The following PLD5 variants were observed in gnomAD, a reference collection of about 807,000 sequenced individuals.
PLD5 encodes the protein inactive phospholipase D5.
Under a neutral mutation model 61.1 loss-of-function variants are expected in PLD5, and 36 were observed. The ratio of observed to expected loss-of-function variants is 0.59; its 90% CI spans 0.45 to 0.78. The LOEUF (loss-of-function observed/expected upper bound fraction) is 0.78. Among genes scored for constraint, PLD5 ranks in the 30% least tolerant of loss-of-function variants. The pLI, the probability that PLD5 is intolerant of heterozygous loss-of-function variation, is 0.00. For missense variants in PLD5, 515 were observed against 644.4 expected (o/e 0.80, Z 2.17); for synonymous variants, 243 against 242.8 (o/e 1.00, Z -0.01).
chr1:242,478,412 C>T (rs1223100382), intron 1 of PLD5, among the ~76,000 whole-genome samples: 1 of 152,148 alleles, frequency 6.6e-6, no homozygotes. Flanking sequence ...GTAGAAAAGG[C>T]ACAGGAATAG....
At chr1:242,227,222 T>C (rs574370909) in intron 4 of PLD5, among the ~76,000 whole-genome samples, 1 of 152,276 alleles carries the variant, frequency 6.6e-6, no homozygotes, top group South Asian at 2.1e-4. Context: ...ATTTTGATTT[T>C]TATTTTTTTT....
chr1:242,440,522 T>C (rs1666223960), intron 1 of PLD5, among the ~76,000 whole-genome samples: 1 of 152,232 alleles, frequency 6.6e-6, no homozygotes. Context: ...GTATAGATTA[T>C]AATCCATTTA....
intron 1 of PLD5, among the ~76,000 whole-genome samples, chr1:242,413,052 TG>T (rs1342845100): frequency 6.6e-6 from 1 of 152,114 alleles, no homozygotes; most frequent in African/African-American, 2.4e-5. Context: ...ACTGTCGTTT[TG>T]GAAACCTCCA....
At chr1:242,163,205 G>A (rs1435643200) in intron 5 of PLD5, among the ~76,000 whole-genome samples, 5 of 149,928 alleles carry the variant, frequency 3.3e-5, no homozygotes, top group South Asian at 4.2e-4. Context: ...GTGCAGTGGC[G>A]CGATCTCGGC....
intron 9 of PLD5, among the ~76,000 whole-genome samples, chr1:242,099,438 T>C (rs1660514066): frequency 6.6e-6 from 1 of 152,188 alleles, no homozygotes; most frequent in African/African-American, 2.4e-5. Flanking sequence ...GATATATATC[T>C]TTAAAATATT....
chr1:242,153,487 T>C (rs1422249584), intron 5 of PLD5, among the ~76,000 whole-genome samples: 1 of 152,232 alleles, frequency 6.6e-6, no homozygotes, highest in South Asian at 2.1e-4. Flanking sequence ...GTTTTAGGTC[T>C]TATGTTTAAC....
intron 1 of PLD5, among the ~76,000 whole-genome samples, chr1:242,411,038 G>A (rs1417669119): frequency 6.6e-6 from 1 of 152,060 alleles, no homozygotes; most frequent in Non-Finnish European, 1.5e-5. Context: ...CCAGCATTTT[G>A]GAAGACAAAA....
intron 5 of PLD5, among the ~76,000 whole-genome samples, chr1:242,159,552 T>G (rs1665660657): frequency 1.3e-5 from 2 of 152,066 alleles, no homozygotes; most frequent in Non-Finnish European, 2.9e-5. Context: ...TTCTCCGAGG[T>G]GGGGTACGGT....
chr1:242,459,728 G>A (rs1371009659), intron 1 of PLD5, among the ~76,000 whole-genome samples: 3 of 152,194 alleles, frequency 2.0e-5, no homozygotes, highest in Non-Finnish European at 4.4e-5. Context: ...CCTACAGAGA[G>A]CCTATGAGTG....
the PLD5 span, among the ~76,000 whole-genome samples, chr1:242,529,778 TCTTCCTTC>T: frequency 0.076 from 9,803 of 129,776 alleles, 359 homozygotes; most frequent in Admixed American, 0.12. Context: ...GGCACTGGGA[TCTTCCTTC>T]CTTCCTTCCT....
intron 1 of PLD5, among the ~76,000 whole-genome samples, chr1:242,443,326 G>A (rs1666360457): frequency 6.6e-6 from 1 of 152,064 alleles, no homozygotes; most frequent in South Asian, 2.1e-4. Flanking sequence ...ATCCAAACAT[G>A]GCAAATTTCA....
chr1:242,205,615 G>A (rs1351385948), intron 5 of PLD5, among the ~76,000 whole-genome samples: 1 of 152,110 alleles, frequency 6.6e-6, no homozygotes, highest in Admixed American at 6.6e-5. Context: ...ATTATTCTCT[G>A]TTGTATTTGA....
At chr1:242,470,173 C>T (rs1453128048) in intron 1 of PLD5, among the ~76,000 whole-genome samples, 2 of 151,896 alleles carry the variant, frequency 1.3e-5, no homozygotes, top group African/African-American at 2.4e-5. Context: ...AACCCCGTCT[C>T]TACTAAAAAT....
At chr1:242,416,262 C>T (rs1664829235) in intron 1 of PLD5, among the ~76,000 whole-genome samples, 1 of 151,734 alleles carries the variant, frequency 6.6e-6, no homozygotes, top group Admixed American at 6.6e-5. Context: ...TTAGGTTGGC[C>T]ATACATTGAT....
intron 5 of PLD5, among the ~76,000 whole-genome samples, chr1:242,216,118 A>G (rs1670179715): frequency 1.3e-5 from 2 of 152,176 alleles, no homozygotes; most frequent in African/African-American, 4.8e-5. Context: ...TTGATTGGAA[A>G]AGAATGTTGC....
intron 9 of PLD5, among the ~76,000 whole-genome samples, chr1:242,096,886 C>G (rs1308399406): frequency 1.3e-5 from 2 of 151,792 alleles, no homozygotes; most frequent in African/African-American, 4.8e-5. Flanking sequence ...TAACGCTATC[C>G]CTCCTCCTTC....
intron 3 of PLD5, among the ~76,000 whole-genome samples, chr1:242,277,226 G>A (rs1387789142): frequency 1.3e-5 from 2 of 152,130 alleles, no homozygotes; most frequent in Non-Finnish European, 2.9e-5. Flanking sequence ...ACCAAGGCAA[G>A]AAAGGAACAC....
intron 5 of PLD5, among the ~76,000 whole-genome samples, chr1:242,173,129 T>C (rs369350199): frequency 6.6e-6 from 1 of 152,160 alleles, no homozygotes; most frequent in Non-Finnish European, 1.5e-5. Context: ...TGTTTGCAGA[T>C]GACATGATTG....
At chr1:242,129,382 C>G (rs553575583) in intron 5 of PLD5, among the ~76,000 whole-genome samples, 1 of 152,272 alleles carries the variant, frequency 6.6e-6, no homozygotes, top group South Asian at 2.1e-4. Context: ...TAGAATGACT[C>G]AAGCCTATTT....
Sources: gnomAD v4.1 joint callset for allele counts (sites outside exome capture counted in the v4.1 genomes callset) on GRCh38, gnomAD v4.1.1 for gene constraint, MANE v1.5 for transcripts, NCBI Gene and HGNC (gene_info 2026-07-23, HGNC 2026-07-21) for gene names.